The following ANKRD30BL variants were observed in gnomAD, a reference collection of about 807,000 sequenced individuals.
ANKRD30BL encodes putative ankyrin repeat domain-containing protein 30B-like.
ANKRD30BL carries 20 observed loss-of-function variants against 18.4 expected under a neutral mutation model. The ratio of observed to expected loss-of-function variants is 1.09; its 90% CI spans 0.77 to 1.58. The LOEUF is 1.58. ANKRD30BL is among the 40% of genes most tolerant of loss of function. The pLI is 0.00. For missense variants in ANKRD30BL, 224 were observed against 268.6 expected, an observed-to-expected ratio of 0.83 and a Z score of 1.16; for synonymous variants, 72 against 100.9, an observed-to-expected ratio of 0.71 and a Z score of 1.72.
At chr2:132,159,063 A>G (rs1440251204) in intron 1 of ANKRD30BL, among the ~76,000 whole-genome samples, 1 of 152,066 alleles carries the variant, frequency 6.6e-6, no homozygotes, top group African/African-American at 2.4e-5. Flanking sequence ...AAGGAAAAAC[A>G]TTTTATATTA....
At chr2:132,157,275 C>A (rs1687934305) in intron 2 of ANKRD30BL, 34 bp downstream of exon 2, 1 of 847,516 alleles carries the variant, frequency 1.2e-6, no homozygotes, top group Non-Finnish European at 1.9e-6. Flanking sequence ...TAAACCAAAT[C>A]CATCTCCTGC....
At chr2:132,242,439 G>T (rs938761568) in intron 1 of ANKRD30BL, among the ~76,000 whole-genome samples, 2 of 151,748 alleles carry the variant, frequency 1.3e-5, no homozygotes, top group African/African-American at 4.8e-5. Context: ...TCACAGAGTT[G>T]AACATTCCCT....
chr2:132,156,723 A>G (rs1348601655), intron 3 of ANKRD30BL: 1 of 196,112 alleles, frequency 5.1e-6, no homozygotes, highest in East Asian at 1.2e-4. Context: ...CTTGGGTGGG[A>G]AAGAATATTT....
At chr2:132,189,896 AAAT>A (rs1678810394) in intron 1 of ANKRD30BL, among the ~76,000 whole-genome samples, 1 of 145,406 alleles carries the variant, frequency 6.9e-6, no homozygotes, top group African/African-American at 2.9e-5. Flanking sequence ...AAAAAAAAAT[AAAT>A]TAATTGTATT....
At chr2:132,160,879 G>T (rs1688039052) in intron 1 of ANKRD30BL, among the ~76,000 whole-genome samples, 1 of 150,692 alleles carries the variant, frequency 6.6e-6, no homozygotes, top group African/African-American at 2.5e-5. Context: ...ACTTTATTTG[G>T]TTTATGTAAA....
chr2:132,183,683 A>G (rs900863589), intron 1 of ANKRD30BL, among the ~76,000 whole-genome samples: 3 of 151,282 alleles, frequency 2.0e-5, no homozygotes, highest in Admixed American at 6.6e-5. Context: ...GCATGTATAT[A>G]TGTGTGTGTG....
chr2:132,215,968 A>C (rs1369351101), intron 1 of ANKRD30BL, among the ~76,000 whole-genome samples: 4 of 150,038 alleles, frequency 2.7e-5, no homozygotes, highest in African/African-American at 7.4e-5. Context: ...GCTTTGAAAC[A>C]CTCTTTTTGT....
At chr2:132,186,270 T>C in intron 1 of ANKRD30BL, among the ~76,000 whole-genome samples, 1 of 152,186 alleles carries the variant, frequency 6.6e-6, no homozygotes, top group South Asian at 2.1e-4. Flanking sequence ...ATATAAATAG[T>C]ACGTAACTAG....
intron 1 of ANKRD30BL, among the ~76,000 whole-genome samples, chr2:132,222,832 T>TAAAAAAAAAAAAAAAAAAAA (rs71001178): frequency 3.8e-5 from 2 of 52,812 alleles, no homozygotes; most frequent in African/African-American, 1.0e-4. Context: ...GAATGATCAA[T>TAAAAAAAAAAAAAAAAAAAA]AAAAAAAAAA....
intron 1 of ANKRD30BL, among the ~76,000 whole-genome samples, chr2:132,198,329 T>C (rs1573833170): frequency 1.6e-5 from 2 of 127,408 alleles, no homozygotes; most frequent in Admixed American, 7.7e-5. Context: ...TCTTTCTTTT[T>C]TTTTTTTTTT....
upstream of ANKRD30BL, among the ~76,000 whole-genome samples, chr2:132,164,480 A>G (rs28767817): frequency 6.6e-6 from 1 of 151,614 alleles, no homozygotes; most frequent in East Asian, 2.0e-4. Flanking sequence ...TAGTAGAGAT[A>G]GGGTTTCACC....
At chr2:132,194,032 TTCTC>T (rs764528052) in intron 1 of ANKRD30BL, among the ~76,000 whole-genome samples, 6,279 of 137,786 alleles carry the variant, frequency 0.046, 148 homozygotes, top group African/African-American at 0.058. Context: ...CAGAGATAAT[TTCTC>T]TCTCTCTCTC....
intron 1 of ANKRD30BL, among the ~76,000 whole-genome samples, chr2:132,170,412 A>G (rs1300057240): frequency 6.6e-6 from 1 of 152,192 alleles, no homozygotes. Context: ...GTCCTGGAAC[A>G]GAAGAGGCCA....
chr2:132,212,608 T>C (rs896086483), intron 1 of ANKRD30BL, among the ~76,000 whole-genome samples: 1 of 151,580 alleles, frequency 6.6e-6, no homozygotes, highest in African/African-American at 2.4e-5. Context: ...ACAATTGGAG[T>C]GCTTTGAGGC....
intron 1 of ANKRD30BL, among the ~76,000 whole-genome samples, chr2:132,214,794 G>A (rs1458832759): frequency 2.0e-5 from 3 of 151,798 alleles, no homozygotes; most frequent in African/African-American, 7.3e-5. Context: ...TGATCTGCAA[G>A]TGGACATTTG....
rs1430200141 is a variant in ANKRD30BL, at chr2:132,184,436, A to C, written n.442-27290T>G. On this transcript the variant is annotated intron_variant and non_coding_transcript_variant, in intron 1 of 4. Transcript: ENST00000470729. Reference sequence around the variant, plus strand: ...TTGCTAAAAACTGAATTTTGTAGAAATGTTCCAGACTTTAGCATGGAATTT... The same window carrying C: ...TTGCTAAAAACTGAATTTTGTAGAACTGTTCCAGACTTTAGCATGGAATTT... Among the ~76,000 whole-genome samples, 3 of 152,222 alleles carry C rather than the reference A, an allele frequency of 2.0e-5. No homozygotes were observed. In the East Asian group the frequency reaches 5.8e-4, roughly 29 times the overall value.
chr2:132,178,640 A>T (rs1159718585), intron 1 of ANKRD30BL, among the ~76,000 whole-genome samples: 1 of 150,760 alleles, frequency 6.6e-6, no homozygotes, highest in Non-Finnish European at 1.5e-5. Context: ...TTTTTTTTTG[A>T]GCAGACAAGT....
chr2:132,257,075 G>C, intron 1 of ANKRD30BL: 1 of 492,646 alleles, frequency 2.0e-6, no homozygotes, highest in Non-Finnish European at 4.1e-6. Context: ...GACGGCCCTC[G>C]GCACCACCGA....
At chr2:132,241,695 ACTT>A (rs1198036730) in intron 1 of ANKRD30BL, among the ~76,000 whole-genome samples, 4 of 151,422 alleles carry the variant, frequency 2.6e-5, no homozygotes, top group African/African-American at 4.8e-5. Flanking sequence ...TCACACAAAA[ACTT>A]CACAGAAGCA....
Sources: allele counts gnomAD v4.1 joint callset (sites outside exome capture counted in the v4.1 genomes callset), GRCh38; gene constraint gnomAD v4.1.1; transcripts MANE v1.5; gene names NCBI Gene and HGNC (gene_info 2026-07-23, HGNC 2026-07-21).